The following MEIS1 variants were observed in gnomAD, a reference collection of about 807,000 sequenced individuals.
MEIS1 encodes homeobox protein Meis1.
Under a neutral mutation model 50.8 loss-of-function variants are expected in MEIS1, and 5 were observed. That is an observed-to-expected ratio of 0.10 (90% CI 0.05 to 0.21). MEIS1 has a LOEUF of 0.21. MEIS1 is among the 10% of genes least tolerant of loss of function. The pLI, the probability that MEIS1 is intolerant of heterozygous loss-of-function variation, is 1.00. For synonymous variants in MEIS1, 176 were observed against 179.3 expected, an observed-to-expected ratio of 0.98 and a Z score of 0.15; for missense variants, 318 against 517.3, an observed-to-expected ratio of 0.61 and a Z score of 3.74.
At chr2:66,493,866 C>T (rs1363116672) in intron 7 of MEIS1, among the ~76,000 whole-genome samples, 1 of 152,100 alleles carries the variant, frequency 6.6e-6, no homozygotes, top group Non-Finnish European at 1.5e-5. Context: ...CTCTGAGTGA[C>T]CCATGCATCA....
rs138751327 is a variant in MEIS1 at position 66,500,846 on chromosome 2, A to G, written c.743-11303A>G. On this transcript the variant is annotated intron_variant, in intron 7 of 12. Coordinates refer to ENST00000272369, the MANE Select transcript of MEIS1 (RefSeq NM_002398.3). ...TGTAAAAGTGTTTGTATATACACAC[A>G]TATATACATGCATAGCAAATACATA... Among the ~76,000 whole-genome samples the G allele has an allele frequency of 7.1e-3, 1,076 of 152,386 alleles. 10 individuals are homozygous for G. Among genetic ancestry groups the G allele is most frequent in the African/African-American group, 0.025 (1,021 of 41,586 alleles).
intron 1 of MEIS1, chr2:66,436,887 T>A (rs1188451317): frequency 4.5e-5 from 44 of 984,914 alleles, no homozygotes; most frequent in Non-Finnish European, 5.2e-5. Flanking sequence ...TTTTTTTTTT[T>A]TCTGGAAGAG....
chr2:66,567,602 C>A, intron 10 of MEIS1, 91 bp downstream of exon 10: 1 of 1,197,184 alleles, frequency 8.4e-7, no homozygotes, highest in Non-Finnish European at 1.2e-6. Context: ...GGTAAATAAA[C>A]TGGGAGTGAG....
At chr2:66,478,992 G>T (rs1037958409) in intron 7 of MEIS1, among the ~76,000 whole-genome samples, 2 of 152,192 alleles carry the variant, frequency 1.3e-5, no homozygotes, top group African/African-American at 4.8e-5. Context: ...TATTCATTCA[G>T]AACTGACAGA....
At chr2:66,473,397 AATATATAT>A (rs1553373466) in intron 7 of MEIS1, among the ~76,000 whole-genome samples, 2 of 107,614 alleles carry the variant, frequency 1.9e-5, no homozygotes, top group African/African-American at 1.2e-4. Context: ...AAAAAAAAAA[AATATATAT>A]ATATATATAT....
At chr2:66,476,390 T>C (rs1672892514) in intron 7 of MEIS1, among the ~76,000 whole-genome samples, 1 of 152,132 alleles carries the variant, frequency 6.6e-6, no homozygotes, top group African/African-American at 2.4e-5. Context: ...AGAGGATTAC[T>C]CCCAAAGATA....
At position 66,486,688 on chromosome 2, in the gene MEIS1, G is replaced by T. The variant is rs573106810; in HGVS notation, c.742+22468G>T. Among the ~76,000 whole-genome samples the T allele has an allele frequency of 9.5e-4, 145 of 152,288 alleles. 1 individual carries two copies. Among genetic ancestry groups the T allele is most frequent in the Admixed American group, 2.8e-3 (43 of 15,306 alleles). On this transcript the variant is annotated intron_variant, in intron 7 of 12. Transcript: ENST00000272369. ...GCATTGAATCTATAAATTACTTTGGGCAGTATGGCCATATTCACGATATTG... is the reference window on the plus strand; with the variant it reads ...GCATTGAATCTATAAATTACTTTGGTCAGTATGGCCATATTCACGATATTG...
In MEIS1 at chr2:66,571,765, G is replaced by T; in HGVS notation, c.*557G>T. On this transcript the variant is annotated 3_prime_UTR_variant, in exon 13 of 13. Coordinates refer to ENST00000272369, the MANE Select transcript of MEIS1 (RefSeq NM_002398.3). ...GAAATATTGTAAATGCTATTATACT[G>T]TTATCCATATTACGTTGTTTCTTAT... 1 of 514,558 alleles carries T rather than the reference G, an allele frequency of 1.9e-6. No homozygotes were observed. The allele number at this position is 514,558 out of a possible 1,614,324, so 31.9% of individuals were successfully genotyped here.
At chr2:66,457,496 C>T (rs1672419275) in intron 6 of MEIS1, among the ~76,000 whole-genome samples, 1 of 152,210 alleles carries the variant, frequency 6.6e-6, no homozygotes, top group Non-Finnish European at 1.5e-5. Flanking sequence ...CTCACAGCAG[C>T]TCCTGTGCCC....
chr2:66,534,307 G>C (rs1674466872), intron 8 of MEIS1, among the ~76,000 whole-genome samples: 2 of 152,142 alleles, frequency 1.3e-5, no homozygotes, highest in African/African-American at 2.4e-5. Flanking sequence ...AGGCCAAGGC[G>C]GGCGGATCAC....
chr2:66,455,482 A>G (rs1416780308), intron 6 of MEIS1, among the ~76,000 whole-genome samples: 3 of 152,194 alleles, frequency 2.0e-5, no homozygotes, highest in African/African-American at 7.2e-5. Context: ...GTGTTGTTTT[A>G]CATCTGTAGA....
intron 8 of MEIS1, among the ~76,000 whole-genome samples, chr2:66,534,935 T>C (rs906062364): frequency 3.9e-5 from 6 of 152,240 alleles, no homozygotes; most frequent in Non-Finnish European, 8.8e-5. Flanking sequence ...TCATTAGGAA[T>C]GATGGCAGCT....
At chr2:66,442,264 TTTTTGTAAAAAAAAA>T (rs71245646) in intron 5 of MEIS1, among the ~76,000 whole-genome samples, 137 of 128,466 alleles carry the variant, frequency 1.1e-3, no homozygotes, top group East Asian at 9.9e-3. Flanking sequence ...TTCCTTCTCC[TTTTTGTAAAAAAAAA>T]AAAAAAAAAA....
intron 9 of MEIS1, among the ~76,000 whole-genome samples, chr2:66,556,111 G>C (rs965388756): frequency 6.6e-6 from 1 of 151,660 alleles, no homozygotes; most frequent in African/African-American, 2.4e-5. Context: ...CAAATATAAG[G>C]CTGTCCTGTT....
intron 7 of MEIS1, among the ~76,000 whole-genome samples, chr2:66,477,387 G>T (rs1013087943): frequency 6.6e-6 from 1 of 152,150 alleles, no homozygotes; most frequent in African/African-American, 2.4e-5. Flanking sequence ...CCACTGGCAT[G>T]CTCTTTCTTT....
chr2:66,547,293 C>T (rs951339326), intron 8 of MEIS1, among the ~76,000 whole-genome samples: 1 of 152,130 alleles, frequency 6.6e-6, no homozygotes, highest in Non-Finnish European at 1.5e-5. Flanking sequence ...TGGGCTTGTT[C>T]TTAGCATGCA....
intron 11 of MEIS1, 120 bp from the exon 12 acceptor site, chr2:66,568,930 C>A: frequency 1.8e-6 from 2 of 1,109,054 alleles, no homozygotes; most frequent in African/African-American, 1.5e-5. Flanking sequence ...TCTTTATGCA[C>A]TGAAGATCTC....
Position 66,439,998 on chromosome 2 carries a change from A to G in MEIS1, c.381+14A>G. 6.3e-7 allele frequency: 1 copy of G among 1,599,822 alleles called. No individual in the cohort carries two copies. Among genetic ancestry groups the G allele is most frequent in the Non-Finnish European group, 8.5e-7 (1 of 1,173,656 alleles). ...TTCGCCAAACAGGTCAGCAAAATAG[A>G]TGTTAAAAAGTAAAAGAAACAAAAA... On this transcript the variant is annotated intron_variant, in intron 3 of 12. Coordinates refer to ENST00000272369, the MANE Select transcript of MEIS1 (RefSeq NM_002398.3).
At position 66,437,858 on chromosome 2, in the gene MEIS1, T is replaced by G. The variant is rs759092516; in HGVS notation, c.134T>G (p.Leu45Arg). Residue 45 changes from leucine (L) to arginine (R), a missense_variant, in exon 2 of 13, where the codon CTG (leucine) becomes CGG (arginine). Physicochemically the swap from Leu to Arg is moderately radical, Grantham distance 102. This residue lies in a region of MEIS1 where 100 missense variants were observed against 107.1 expected (regional missense o/e 0.93). Transcript: ENST00000272369. ...CACCACCTGAACCACGGGCCTCCTCTGCACTCGCATCAGTACCCGCACACA... is the reference window on the plus strand; with the variant it reads ...CACCACCTGAACCACGGGCCTCCTCGGCACTCGCATCAGTACCCGCACACA... ...PVHHLNHGPP[L>R]HSHQYPHTAH... The G allele has an allele frequency of 6.2e-7, 1 of 1,613,500 alleles. No individual in the cohort carries two copies. The highest frequency in any genetic ancestry group is 1.1e-5 in the South Asian group (1 of 90,918).
Sources: gnomAD v4.1 joint callset for allele counts (sites outside exome capture counted in the v4.1 genomes callset) on GRCh38, gnomAD v4.1.1 for gene constraint, gnomAD v4.1.1 regional missense constraint, MANE v1.5 for transcripts, NCBI Gene and HGNC (gene_info 2026-07-23, HGNC 2026-07-21) for gene names.